NRG1: variants seen among roughly 807,000 people sequenced by gnomAD.
The protein encoded by NRG1 is neuregulin 1, also known as pro-neuregulin-1, membrane-bound isoform.
Under a neutral mutation model 63.8 loss-of-function variants are expected in NRG1, and 18 were observed. That is an observed-to-expected ratio of 0.28 (90% CI 0.19 to 0.42). The LOEUF (loss-of-function observed/expected upper bound fraction) is 0.42. NRG1 is among the 10% of genes least tolerant of loss of function. The probability of loss-of-function intolerance (pLI) is 1.00; values close to 1 mark genes in which losing one functional copy is unlikely to be tolerated. For synonymous variants in NRG1, 302 were observed against 301.3 expected (o/e 1.00, Z -0.02); for missense variants, 762 against 814.7 (o/e 0.94, Z 0.79).
intron 1 of NRG1, among the ~76,000 whole-genome samples, chr8:32,215,766 G>T (rs1459718828): frequency 6.6e-6 from 1 of 152,166 alleles, no homozygotes; most frequent in Non-Finnish European, 1.5e-5. Flanking sequence ...TAGTTGCAGG[G>T]TGCAGTGGCT....
rs537307558 is a variant in NRG1, at chr8:32,074,255, T to C, written c.37+434824T>C. On this transcript the variant is annotated intron_variant, in intron 1 of 10. Coordinates refer to the NRG1 transcript ENST00000519301. ...TACTTTTGAGATTTTTTTGGTCATCTTTCTAGCAGCCAGCTGTCACCTCTT... is the reference window on the plus strand; with the variant it reads ...TACTTTTGAGATTTTTTTGGTCATCCTTCTAGCAGCCAGCTGTCACCTCTT... 4.9e-4 allele frequency among the ~76,000 whole-genome samples: 75 copies of C among 152,332 alleles called. 1 individual carries two copies. In the South Asian group the frequency reaches 0.015, roughly 31 times the overall value.
At chr8:32,041,771 A>C (rs1244476971) in intron 1 of NRG1, among the ~76,000 whole-genome samples, 1 of 152,218 alleles carries the variant, frequency 6.6e-6, no homozygotes, top group Non-Finnish European at 1.5e-5. Context: ...TTTCTAGATA[A>C]AGAATTGGAA....
At chr8:32,101,627 G>A (rs932164065) in intron 1 of NRG1, among the ~76,000 whole-genome samples, 8 of 151,850 alleles carry the variant, frequency 5.3e-5, no homozygotes, top group African/African-American at 1.5e-4. Context: ...AGTTTAATTC[G>A]TCATCAAGGC....
intron 1 of NRG1, among the ~76,000 whole-genome samples, chr8:32,133,007 T>C (rs1182129755): frequency 1.3e-5 from 2 of 151,070 alleles, no homozygotes; most frequent in Admixed American, 6.6e-5. Context: ...CTCCCCCCTT[T>C]CCCCCCACTC....
At chr8:31,902,912 A>G (rs1875722) in intron 1 of NRG1, among the ~76,000 whole-genome samples, 35,434 of 152,070 alleles carry the variant, frequency 0.23, 5,402 homozygotes, top group East Asian at 0.68. Flanking sequence ...ACGTAACAGG[A>G]ATAATGCTAC....
At chr8:32,472,919 A>G (rs1345400253) in intron 1 of NRG1, among the ~76,000 whole-genome samples, 1 of 152,164 alleles carries the variant, frequency 6.6e-6, no homozygotes, top group Non-Finnish European at 1.5e-5. Flanking sequence ...GTTACTGTCA[A>G]ATTTCTCCTG....
At chr8:32,278,996 G>C (rs1392172384) in intron 1 of NRG1, among the ~76,000 whole-genome samples, 1 of 152,148 alleles carries the variant, frequency 6.6e-6, no homozygotes, top group Non-Finnish European at 1.5e-5. Context: ...CAGGTCTGAT[G>C]ACTTTCAGGA....
intron 5 of NRG1, among the ~76,000 whole-genome samples, chr8:32,697,079 C>T (rs1813561823): frequency 1.3e-5 from 2 of 152,196 alleles, no homozygotes; most frequent in South Asian, 2.1e-4. Context: ...AATTCAATTC[C>T]ATCTGTAGAG....
intron 1 of NRG1, among the ~76,000 whole-genome samples, chr8:32,529,980 C>T (rs541242888): frequency 2.6e-5 from 4 of 152,288 alleles, no homozygotes; most frequent in Admixed American, 6.5e-5. Flanking sequence ...CATAATTGCA[C>T]GGACTAGCCC....
chr8:31,796,414 C>CTTTTTTTTTTT lies in NRG1; in HGVS notation c.37+157009_37+157019dup, dbSNP rs1158508289. Among the ~76,000 whole-genome samples the CTTTTTTTTTTT allele has an allele frequency of 3.0e-4, 13 of 43,376 alleles. 4 individuals are homozygous for CTTTTTTTTTTT. Among genetic ancestry groups the CTTTTTTTTTTT allele is most frequent in the Admixed American group, 8.6e-4 (2 of 2,330 alleles). The allele number at this position is 43,376 out of a possible 152,430, so 28.5% of individuals were successfully genotyped here. A position where few individuals can be genotyped will look rare whatever the true frequency, so the allele number is the denominator to read the frequency against. On this transcript the variant is annotated intron_variant, in intron 1 of 10. Coordinates refer to the NRG1 transcript ENST00000519301. ...ATAACCAAATAAGATGGCGTATAAT[C>CTTTTTTTTTTT]TTTTTTTTTTTTTTTTTTTTTTTTT...
chr8:32,498,148 CA>C (rs2129495960), intron 1 of NRG1, among the ~76,000 whole-genome samples: 1 of 152,142 alleles, frequency 6.6e-6, no homozygotes, highest in East Asian at 1.9e-4. Flanking sequence ...TATTTATATG[CA>C]AAAGAGCTTG....
chr8:32,302,432 C>A (rs1379310333), intron 1 of NRG1, among the ~76,000 whole-genome samples: 1 of 152,130 alleles, frequency 6.6e-6, no homozygotes, highest in Non-Finnish European at 1.5e-5. Flanking sequence ...TGTAAACTTA[C>A]GTGTAGGAAA....
At chr8:31,758,600 G>T (rs1330494056) in intron 1 of NRG1, among the ~76,000 whole-genome samples, 1 of 152,056 alleles carries the variant, frequency 6.6e-6, no homozygotes, top group African/African-American at 2.4e-5. Context: ...ATTTAGCTTG[G>T]TGTAATGGTT....
At chr8:31,910,425 A>G (rs1832847435) in intron 1 of NRG1, among the ~76,000 whole-genome samples, 1 of 152,218 alleles carries the variant, frequency 6.6e-6, no homozygotes, top group Non-Finnish European at 1.5e-5. Context: ...AAGCAGGGCT[A>G]TGAGTTTATC....
At chr8:32,602,879 TA>T (rs893207068) in intron 2 of NRG1, among the ~76,000 whole-genome samples, 1 of 152,170 alleles carries the variant, frequency 6.6e-6, no homozygotes, top group Non-Finnish European at 1.5e-5. Context: ...ATAATCCATT[TA>T]AAAAATCATA....
At chr8:32,388,191 T>C (rs758740977) in intron 1 of NRG1, among the ~76,000 whole-genome samples, 2 of 152,228 alleles carry the variant, frequency 1.3e-5, no homozygotes, top group South Asian at 2.1e-4. Flanking sequence ...TTACCCCTTA[T>C]AGTAAGTTGA....
At chr8:32,530,302 T>C (rs1831325513) in intron 1 of NRG1, among the ~76,000 whole-genome samples, 1 of 151,912 alleles carries the variant, frequency 6.6e-6, no homozygotes, top group South Asian at 2.1e-4. Context: ...AGAGACGGGG[T>C]TTCACCGTGT....
At chr8:31,851,958 A>T (rs1485557991) in intron 1 of NRG1, among the ~76,000 whole-genome samples, 1 of 147,180 alleles carries the variant, frequency 6.8e-6, no homozygotes, top group African/African-American at 2.5e-5. Context: ...TTATGGCTGC[A>T]TAGTATTCCA....
chr8:32,447,435 T>C (rs12707703), intron 1 of NRG1, among the ~76,000 whole-genome samples: 98,206 of 151,994 alleles, frequency 0.65, 31,947 homozygotes, highest in East Asian at 0.8. Context: ...AGCTAATCAC[T>C]GTGGGAAACA....
Sources: allele counts gnomAD v4.1 joint callset (sites outside exome capture counted in the v4.1 genomes callset), GRCh38; gene constraint gnomAD v4.1.1; transcripts MANE v1.5; gene names NCBI Gene and HGNC (gene_info 2026-07-23, HGNC 2026-07-21).